The following DCC variants were observed in gnomAD, a reference collection of about 807,000 sequenced individuals.
The protein encoded by DCC is netrin receptor DCC.
A neutral mutation model predicts 172.5 loss-of-function variants in DCC; 58 were observed. The ratio of observed to expected loss-of-function variants is 0.34; its 90% CI spans 0.27 to 0.42. DCC has a LOEUF of 0.42. Among genes scored for constraint, DCC ranks in the 10% least tolerant of loss-of-function variants. DCC has a pLI of 1.00. For synonymous variants in DCC, 709 were observed against 644.5 expected, an observed-to-expected ratio of 1.10 and a Z score of -1.52; for missense variants, 1,740 against 1,791.0, an observed-to-expected ratio of 0.97 and a Z score of 0.51.
chr18:52,908,088 G>A (rs1420793571), intron 3 of DCC, among the ~76,000 whole-genome samples: 1 of 152,172 alleles, frequency 6.6e-6, no homozygotes, highest in African/African-American at 2.4e-5. Context: ...AATTGGAACT[G>A]ACTACATCTC....
intron 15 of DCC, among the ~76,000 whole-genome samples, chr18:53,369,316 T>G (rs894403746): frequency 6.6e-6 from 1 of 151,926 alleles, no homozygotes; most frequent in African/African-American, 2.4e-5. Flanking sequence ...GGTGTTTTGG[T>G]TTTTTTGTAC....
chr18:52,746,008 C>T (rs1015712848), intron 1 of DCC, among the ~76,000 whole-genome samples: 10 of 152,158 alleles, frequency 6.6e-5, no homozygotes, highest in African/African-American at 1.9e-4. Flanking sequence ...TTTTAAATTC[C>T]TGCTCCATTG....
intron 1 of DCC, among the ~76,000 whole-genome samples, chr18:52,450,185 A>G (rs537607994): frequency 6.8e-4 from 104 of 152,328 alleles, no homozygotes; most frequent in African/African-American, 2.4e-3. Context: ...GTTCGCCAAC[A>G]GCCACTTCAT....
chr18:53,367,665 T>C (rs1479781136), intron 15 of DCC, among the ~76,000 whole-genome samples: 1 of 152,144 alleles, frequency 6.6e-6, no homozygotes, highest in Non-Finnish European at 1.5e-5. Context: ...ACCCATTAAA[T>C]GACACCTGCC....
At chr18:52,658,981 T>G (rs773071914) in intron 1 of DCC, among the ~76,000 whole-genome samples, 1 of 152,192 alleles carries the variant, frequency 6.6e-6, no homozygotes, top group East Asian at 1.9e-4. Flanking sequence ...TAGCTGCTGG[T>G]AAATTGAAAA....
At chr18:52,987,112 G>A (rs1380750538) in intron 5 of DCC, among the ~76,000 whole-genome samples, 2 of 152,044 alleles carry the variant, frequency 1.3e-5, no homozygotes, top group Non-Finnish European at 2.9e-5. Context: ...GTGAGACTCC[G>A]CGCCTGGCCC....
rs541970636 is a variant in DCC at position 53,501,874 on chromosome 18, T to A, written c.4111+2364T>A. On this transcript the variant is annotated intron_variant, in intron 27 of 28. Coordinates refer to ENST00000442544, the MANE Select transcript of DCC (RefSeq NM_005215.4). ...GATAGATGGAGCAGAGAATTGGCAT[T>A]TTTTTACTAGTTATTTTCTTCTAAT... 9.8e-5 allele frequency among the ~76,000 whole-genome samples: 11 copies of A among 112,406 alleles called. No homozygotes were observed. The East Asian group carries it at 1.7e-3, about 18-fold the overall frequency. 73.7% of individuals were successfully genotyped at this position (112,406 alleles called of 152,430 possible). A position where few individuals can be genotyped will look rare whatever the true frequency, so the allele number is the denominator to read the frequency against.
intron 1 of DCC, among the ~76,000 whole-genome samples, chr18:52,496,912 T>C (rs1252132230): frequency 6.6e-6 from 1 of 151,822 alleles, no homozygotes; most frequent in Non-Finnish European, 1.5e-5. Context: ...AAAAAACAGA[T>C]TTGAATAGAA....
chr18:53,495,811 A>ATTTCT (rs1479142511), intron 26 of DCC, among the ~76,000 whole-genome samples: 1 of 151,966 alleles, frequency 6.6e-6, no homozygotes, highest in Non-Finnish European at 1.5e-5. Flanking sequence ...GGCTTTGTTC[A>ATTTCT]TTTCTTTTCA....
chr18:53,246,409 G>C (rs1488441339), intron 12 of DCC, among the ~76,000 whole-genome samples: 1 of 151,854 alleles, frequency 6.6e-6, no homozygotes, highest in Non-Finnish European at 1.5e-5. Flanking sequence ...GGAGGAGGTT[G>C]TCAGAACATC....
At chr18:53,314,650 T>C (rs1201841776) in intron 13 of DCC, among the ~76,000 whole-genome samples, 4 of 152,196 alleles carry the variant, frequency 2.6e-5, no homozygotes, top group Non-Finnish European at 4.4e-5. Context: ...TCTATACATA[T>C]CTAAATTTTT....
rs372202434 is a variant in DCC at position 52,579,410 on chromosome 18, C to T, written c.92-172644C>T. 2.6e-5 allele frequency among the ~76,000 whole-genome samples: 4 copies of T among 152,224 alleles called. No individual in the cohort carries two copies. In the East Asian group the frequency reaches 7.7e-4, roughly 29 times the overall value. On this transcript the variant is annotated intron_variant, in intron 1 of 28. Transcript: ENST00000442544. ...AACTCTTATTTCAAATATGATTTGCCCTAAATGGCACAGCATAATATGCAA... is the reference window on the plus strand; with the variant it reads ...AACTCTTATTTCAAATATGATTTGCTCTAAATGGCACAGCATAATATGCAA...
intron 1 of DCC, among the ~76,000 whole-genome samples, chr18:52,405,019 T>C (rs555266598): frequency 2.0e-5 from 3 of 151,882 alleles, no homozygotes; most frequent in Non-Finnish European, 4.4e-5. Context: ...TGCATAGTAT[T>C]CCATGGTGTA....
intron 2 of DCC, among the ~76,000 whole-genome samples, chr18:52,851,307 T>C (rs1185914399): frequency 1.3e-5 from 2 of 152,126 alleles, no homozygotes; most frequent in African/African-American, 2.4e-5. Flanking sequence ...ATGATACACA[T>C]TTTCTTAAAA....
At chr18:53,153,449 G>C (rs1313618404) in intron 7 of DCC, among the ~76,000 whole-genome samples, 1 of 152,008 alleles carries the variant, frequency 6.6e-6, no homozygotes, top group Non-Finnish European at 1.5e-5. Flanking sequence ...AACATGTAGT[G>C]CTCACACACA....
intron 1 of DCC, among the ~76,000 whole-genome samples, chr18:52,575,924 A>T (rs912055990): frequency 3.3e-5 from 5 of 152,160 alleles, no homozygotes; most frequent in African/African-American, 1.2e-4. Flanking sequence ...AGCAATAAAT[A>T]CATGCCAAAA....
At chr18:53,077,468 C>T (rs1438180599) in intron 7 of DCC, among the ~76,000 whole-genome samples, 1 of 151,972 alleles carries the variant, frequency 6.6e-6, no homozygotes, top group Non-Finnish European at 1.5e-5. Flanking sequence ...AGGTCTGGGC[C>T]CCTCCTGTTA....
chr18:53,096,548 G>A (rs2043090764), intron 7 of DCC, among the ~76,000 whole-genome samples: 1 of 152,038 alleles, frequency 6.6e-6, no homozygotes, highest in South Asian at 2.1e-4. Context: ...TGATTCCATG[G>A]GAGACTCAAA....
At chr18:53,253,583 A>AT (rs2144663186) in intron 12 of DCC, among the ~76,000 whole-genome samples, 1 of 152,150 alleles carries the variant, frequency 6.6e-6, no homozygotes, top group East Asian at 1.9e-4. Context: ...CTTTATTAAT[A>AT]TTGCCCTTCT....
Sources: allele counts gnomAD v4.1 joint callset (sites outside exome capture counted in the v4.1 genomes callset), GRCh38; gene constraint gnomAD v4.1.1; transcripts MANE v1.5; gene names NCBI Gene and HGNC (gene_info 2026-07-23, HGNC 2026-07-21).